The following HMGB1 variants were observed in gnomAD, a reference collection of about 807,000 sequenced individuals.
HMGB1 encodes the protein high mobility group protein B1.
For synonymous variants in HMGB1, 81 were observed against 84.0 expected, an observed-to-expected ratio of 0.96 and a Z score of 0.19; for missense variants, 79 against 253.5, an observed-to-expected ratio of 0.31 and a Z score of 4.67.
chr13:30,557,299 G>T (rs9508798), intron 1 of HMGB1, among the ~76,000 whole-genome samples: 115,514 of 152,080 alleles, frequency 0.76, 46,429 homozygotes, highest in Middle Eastern at 0.91. Flanking sequence ...CTGAAATAAG[G>T]TGCTCCTCAG....
intron 1 of HMGB1, among the ~76,000 whole-genome samples, chr13:30,556,398 C>CT (rs1566024178): frequency 6.6e-6 from 1 of 152,156 alleles, no homozygotes; most frequent in East Asian, 1.9e-4. Flanking sequence ...GAGAGAAACT[C>CT]TGTTTCAAAA....
intron 1 of HMGB1, among the ~76,000 whole-genome samples, chr13:30,472,429 C>T (rs2137421236): frequency 6.6e-6 from 1 of 152,236 alleles, no homozygotes; most frequent in Admixed American, 6.5e-5. Context: ...GTTGAAACCG[C>T]ATCTCTACTA....
intron 1 of HMGB1, among the ~76,000 whole-genome samples, chr13:30,608,317 A>G (rs1167276232): frequency 6.6e-6 from 1 of 152,234 alleles, no homozygotes; most frequent in Non-Finnish European, 1.5e-5. Context: ...AAATATAACT[A>G]ATACAATAAT....
chr13:30,486,454 C>T (rs573702385), intron 1 of HMGB1, among the ~76,000 whole-genome samples: 174 of 152,282 alleles, frequency 1.1e-3, no homozygotes, highest in African/African-American at 2.3e-3. Flanking sequence ...GTATGGATGA[C>T]GGGAGGGCAG....
Position 30,476,118 on chromosome 13 carries a change from C to CTTTTTTTTTTTTTTTTTT in HMGB1, c.-14-12442_-14-12425dup, listed in dbSNP as rs71093065. On this transcript the variant is annotated intron_variant, in intron 1 of 4. Coordinates refer to the HMGB1 transcript ENST00000405805. ...GTTGTGATATCGCAGGTGGCATGTA[C>CTTTTTTTTTTTTTTTTTT]TTTTTTTTTTTTTTTTTTTTTGAGA... 1.8e-5 allele frequency among the ~76,000 whole-genome samples: 2 copies of CTTTTTTTTTTTTTTTTTT among 109,496 alleles called. 1 individual carries two copies. The highest frequency in any genetic ancestry group is 3.7e-5 in the Non-Finnish European group (2 of 54,718). The allele number at this position is 109,496 out of a possible 152,430, so 71.8% of individuals were successfully genotyped here. A position where few individuals can be genotyped will look rare whatever the true frequency, so the allele number is the denominator to read the frequency against.
At chr13:30,513,212 G>C (rs748481192) in intron 1 of HMGB1, among the ~76,000 whole-genome samples, 1 of 152,000 alleles carries the variant, frequency 6.6e-6, no homozygotes, top group Non-Finnish European at 1.5e-5. Flanking sequence ...AACCCCACAT[G>C]ACTAAACAAC....
intron 1 of HMGB1, among the ~76,000 whole-genome samples, chr13:30,502,520 G>A (rs1887755839): frequency 6.6e-6 from 1 of 152,016 alleles, no homozygotes; most frequent in Non-Finnish European, 1.5e-5. Context: ...GAGATATAAT[G>A]TACATACTGC....
At chr13:30,600,381 T>C (rs1950387226) in intron 1 of HMGB1, among the ~76,000 whole-genome samples, 1 of 152,166 alleles carries the variant, frequency 6.6e-6, no homozygotes, top group African/African-American at 2.4e-5. Flanking sequence ...CTGGTGTAGG[T>C]CATTCAAATT....
At chr13:30,575,793 G>A (rs1449311787) in intron 1 of HMGB1, among the ~76,000 whole-genome samples, 1 of 152,154 alleles carries the variant, frequency 6.6e-6, no homozygotes, top group Non-Finnish European at 1.5e-5. Context: ...ACACCTGCCT[G>A]TAGTCCAGCT....
intron 1 of HMGB1, among the ~76,000 whole-genome samples, chr13:30,499,205 A>G (rs9579585): frequency 0.83 from 125,945 of 152,090 alleles, 57,000 homozygotes; most frequent in East Asian, 1. Context: ...CACCCGCCTC[A>G]GCCTCCCAAC....
At chr13:30,549,866 G>A (rs1269448285) in intron 1 of HMGB1, among the ~76,000 whole-genome samples, 5 of 151,972 alleles carry the variant, frequency 3.3e-5, no homozygotes, top group South Asian at 2.1e-4. Flanking sequence ...GCAGGCGCCC[G>A]CCATCACGCC....
At chr13:30,562,765 A>G (rs1214547854) in intron 1 of HMGB1, among the ~76,000 whole-genome samples, 1 of 152,204 alleles carries the variant, frequency 6.6e-6, no homozygotes, top group Admixed American at 6.5e-5. Flanking sequence ...GGTTGGTTGG[A>G]GACGGTACGG....
In HMGB1 at chr13:30,489,927, G is replaced by A. The variant is rs138648264; in HGVS notation, c.-14-26233C>T. Reference sequence around the variant, plus strand: ...TTTTTGTAATTTTAGTAGAGACGGGGTTTCACCGTGTTGGCCTCGAACTCC... The same window carrying A: ...TTTTTGTAATTTTAGTAGAGACGGGATTTCACCGTGTTGGCCTCGAACTCC... On this transcript the variant is annotated intron_variant, in intron 1 of 4. Coordinates refer to the HMGB1 transcript ENST00000405805. Among the ~76,000 whole-genome samples, 391 of 148,526 alleles carry A rather than the reference G, an allele frequency of 2.6e-3. 2 individuals are homozygous for A. The highest frequency in any genetic ancestry group is 9.2e-3 in the African/African-American group (374 of 40,440).
chr13:30,577,552 C>T (rs1315117047), intron 1 of HMGB1, among the ~76,000 whole-genome samples: 1 of 152,148 alleles, frequency 6.6e-6, no homozygotes, highest in African/African-American at 2.4e-5. Context: ...TCATCATCCT[C>T]TCTTCCCTAG....
At chr13:30,538,537 C>T (rs868860894) in intron 1 of HMGB1, among the ~76,000 whole-genome samples, 1,069 of 77,020 alleles carry the variant, frequency 0.014, 49 homozygotes, top group African/African-American at 0.042. Flanking sequence ...TCTTTCTTTC[C>T]TTTCTTTCTT....
chr13:30,603,533 G>C (rs1950424131), intron 1 of HMGB1, among the ~76,000 whole-genome samples: 1 of 152,178 alleles, frequency 6.6e-6, no homozygotes, highest in Non-Finnish European at 1.5e-5. Flanking sequence ...TTCTCAGATT[G>C]GGTTAGGTGA....
At chr13:30,505,954 G>A (rs1887856780) in intron 1 of HMGB1, among the ~76,000 whole-genome samples, 1 of 151,604 alleles carries the variant, frequency 6.6e-6, no homozygotes, top group Non-Finnish European at 1.5e-5. Context: ...TGAACCCCTG[G>A]CGTCTGGTGA....
At chr13:30,605,116 T>C (rs1287909877) in intron 1 of HMGB1, among the ~76,000 whole-genome samples, 3 of 152,076 alleles carry the variant, frequency 2.0e-5, no homozygotes, top group African/African-American at 7.3e-5. Context: ...AGCAGGTAAA[T>C]AGCATGTGCT....
chr13:30,554,265 TGA>T lies in HMGB1; in HGVS notation c.-15+62404_-15+62405del, dbSNP rs369404567. 3.0e-4 allele frequency: 419 copies of T among 1,380,386 alleles called. 3 individuals carry two copies. The African/African-American group carries it at 5.4e-3, about 18-fold the overall frequency. The allele number at this position is 1,380,386 out of a possible 1,614,324, so 85.5% of individuals were successfully genotyped here. On this transcript the variant is annotated intron_variant, in intron 1 of 4. Transcript: ENST00000405805. ...TCATTTCTCAATTTCTTGTTGAAAGTGAGAGAATCTGGCTCCTTGAACCCTGA... is the reference window on the plus strand; with the variant it reads ...TCATTTCTCAATTTCTTGTTGAAAGTGAGAATCTGGCTCCTTGAACCCTGA...
Sources: allele counts gnomAD v4.1 joint callset (sites outside exome capture counted in the v4.1 genomes callset), GRCh38; gene constraint gnomAD v4.1.1; transcripts MANE v1.5; gene names NCBI Gene and HGNC (gene_info 2026-07-23, HGNC 2026-07-21).